Variants in RIMS2 observed in about 807,000 individuals in gnomAD.
RIMS2 encodes regulating synaptic membrane exocytosis 2.
In RIMS2, 59 loss-of-function variants were observed where a neutral mutation model predicts 174.4. That is an observed-to-expected ratio of 0.34 (90% confidence interval 0.27 to 0.42). The LOEUF is 0.42. Ranked by LOEUF, RIMS2 falls within the 10% of genes least tolerant of loss-of-function variation. RIMS2 has a pLI of 1.00. For missense variants in RIMS2, 1,620 were observed against 1,666.3 expected (o/e 0.97, Z 0.48); for synonymous variants, 606 against 572.5 (o/e 1.06, Z -0.84).
chr8:103,661,142 G>T lies in RIMS2; in HGVS notation c.177-35944G>T, dbSNP rs549913310. Among the ~76,000 whole-genome samples, 6 of 152,234 alleles carry T rather than the reference G, an allele frequency of 3.9e-5. 1 individual carries two copies. The highest frequency in any genetic ancestry group is 1.4e-4 in the African/African-American group (6 of 41,538). ...AAGAATCATACAATGTATTCTATTG[G>T]TTCTGTATTGTTTTGCTCAATATAA... On this transcript the variant is annotated intron_variant, in intron 1 of 23. Coordinates refer to ENST00000504942, the Ensembl canonical transcript of RIMS2.
chr8:104,128,571 C>T (rs1161973624), intron 19 of RIMS2, among the ~76,000 whole-genome samples: 2 of 152,114 alleles, frequency 1.3e-5, no homozygotes, highest in African/African-American at 4.8e-5. Flanking sequence ...GTGGCACATG[C>T]CTGTAACCCC....
intron 3 of RIMS2, among the ~76,000 whole-genome samples, chr8:103,855,317 A>G (rs1442956375): frequency 6.6e-5 from 10 of 151,442 alleles, no homozygotes. Context: ...GGTTTCATTG[A>G]TATTTTGTAT....
chr8:104,040,267 T>A (rs1284712223), intron 19 of RIMS2, among the ~76,000 whole-genome samples: 1 of 151,684 alleles, frequency 6.6e-6, no homozygotes, highest in Non-Finnish European at 1.5e-5. Context: ...AAATGTGGTG[T>A]TTGATTTTAG....
intron 17 of RIMS2, among the ~76,000 whole-genome samples, chr8:104,011,148 C>A (rs1378079301): frequency 6.6e-6 from 1 of 152,068 alleles, no homozygotes; most frequent in East Asian, 1.9e-4. Flanking sequence ...ATAGCAGTAA[C>A]ATTGTGTCTA....
chr8:103,859,482 A>G (rs769162316), intron 3 of RIMS2, among the ~76,000 whole-genome samples: 1 of 152,134 alleles, frequency 6.6e-6, no homozygotes, highest in South Asian at 2.1e-4. Context: ...ATAGCATTCT[A>G]TTCCCTGGTC....
chr8:103,898,642 T>C (rs1445979670), intron 4 of RIMS2, among the ~76,000 whole-genome samples: 1 of 151,650 alleles, frequency 6.6e-6, no homozygotes, highest in Non-Finnish European at 1.5e-5. Context: ...ATTTTTTATG[T>C]AATTTTCACC....
At chr8:103,556,319 CAATT>C in intron 1 of RIMS2, among the ~76,000 whole-genome samples, 1 of 152,104 alleles carries the variant, frequency 6.6e-6, no homozygotes, top group African/African-American at 2.4e-5. Context: ...TACTACTTGT[CAATT>C]AAAAAATGAA....
intron 2 of RIMS2, among the ~76,000 whole-genome samples, chr8:103,751,247 T>C (rs1326555002): frequency 1.3e-5 from 2 of 152,150 alleles, no homozygotes; most frequent in Non-Finnish European, 2.9e-5. Flanking sequence ...GTTTCCAGTT[T>C]CATCCATGTC....
chr8:103,930,199 T>A (rs900129572), intron 11 of RIMS2, among the ~76,000 whole-genome samples: 9 of 152,032 alleles, frequency 5.9e-5, no homozygotes, highest in Non-Finnish European at 1.0e-4. Flanking sequence ...ATAGAAATAA[T>A]TTTATATACT....
intron 19 of RIMS2, among the ~76,000 whole-genome samples, chr8:104,231,882 A>C (rs1417283481): frequency 6.6e-6 from 1 of 152,234 alleles, no homozygotes; most frequent in Non-Finnish European, 1.5e-5. Flanking sequence ...CAGTCCCACT[A>C]GCCACCTTTC....
At chr8:104,209,626 C>T (rs370346669) in intron 19 of RIMS2, among the ~76,000 whole-genome samples, 1 of 152,188 alleles carries the variant, frequency 6.6e-6, no homozygotes, top group South Asian at 2.1e-4. Flanking sequence ...TTTCCCCTTG[C>T]TAGAATATGA....
At chr8:103,732,122 A>C (rs1280795964) in intron 2 of RIMS2, among the ~76,000 whole-genome samples, 1 of 152,094 alleles carries the variant, frequency 6.6e-6, no homozygotes, top group East Asian at 1.9e-4. Context: ...TTGTGATCTA[A>C]GTTTTTGGTC....
chr8:103,814,830 CAG>C (rs1333456121), intron 3 of RIMS2, among the ~76,000 whole-genome samples: 3 of 152,082 alleles, frequency 2.0e-5, no homozygotes, highest in African/African-American at 7.2e-5. Context: ...ACCTGGGTGA[CAG>C]AGCAAGATTC....
At chr8:103,899,172 C>T (rs1429240558) in intron 4 of RIMS2, among the ~76,000 whole-genome samples, 1 of 151,696 alleles carries the variant, frequency 6.6e-6, no homozygotes, top group Non-Finnish European at 1.5e-5. Flanking sequence ...AATAATGCCG[C>T]AATAAACATA....
At chr8:104,145,449 T>C (rs1232670813) in intron 19 of RIMS2, among the ~76,000 whole-genome samples, 1 of 152,050 alleles carries the variant, frequency 6.6e-6, no homozygotes, top group Admixed American at 6.6e-5. Context: ...ACAAATTCTT[T>C]ACTCCAAAGT....
chr8:103,865,544 C>T (rs946484239), intron 3 of RIMS2, among the ~76,000 whole-genome samples: 10 of 152,096 alleles, frequency 6.6e-5, no homozygotes, highest in Admixed American at 5.2e-4. Flanking sequence ...CTCGGCCTCC[C>T]AAAGTGCTGG....
intron 3 of RIMS2, among the ~76,000 whole-genome samples, chr8:103,812,174 T>G (rs2098691585): frequency 2.0e-5 from 3 of 152,184 alleles, no homozygotes. Flanking sequence ...TTTTCTGATT[T>G]TTATCTCAAA....
intron 14 of RIMS2, among the ~76,000 whole-genome samples, chr8:103,953,160 C>G (rs1595735250): frequency 1.3e-5 from 2 of 152,172 alleles, no homozygotes; most frequent in African/African-American, 2.4e-5. Context: ...AGAACAGAAC[C>G]AAGTTGGAAA....
At chr8:104,148,496 A>G in intron 19 of RIMS2, 111 bp from the exon 25 acceptor site, 2 of 1,070,500 alleles carry the variant, frequency 1.9e-6, no homozygotes, top group South Asian at 1.7e-5. Context: ...CTAAAAATAT[A>G]TTCCATAGAT....
Sources: allele counts gnomAD v4.1 joint callset (sites outside exome capture counted in the v4.1 genomes callset), GRCh38; gene constraint gnomAD v4.1.1; transcripts MANE v1.5; gene names NCBI Gene and HGNC (gene_info 2026-07-23, HGNC 2026-07-21).